Variants in MAGI1 observed in about 807,000 individuals in gnomAD.
MAGI1 encodes the protein membrane-associated guanylate kinase, WW and PDZ domain-containing protein 1.
A neutral mutation model predicts 139.9 loss-of-function variants in MAGI1; 58 were observed. The ratio of observed to expected loss-of-function variants is 0.41; its 90% confidence interval spans 0.34 to 0.52. The LOEUF (loss-of-function observed/expected upper bound fraction) is 0.52, where lower values mean the gene tolerates loss of function less well. Ranked by LOEUF, MAGI1 falls within the 20% of genes least tolerant of loss-of-function variation. MAGI1 has a pLI of 0.12. For missense variants in MAGI1, 1,874 were observed against 1,901.6 expected (o/e 0.99, Z 0.27); for synonymous variants, 812 against 737.9 (o/e 1.10, Z -1.63).
intron 2 of MAGI1, among the ~76,000 whole-genome samples, chr3:65,593,436 G>C (rs2082053573): frequency 6.6e-6 from 1 of 152,146 alleles, no homozygotes. Context: ...CAGGCGAGCA[G>C]TATGAACTTT....
At chr3:65,722,275 T>A (rs180834965) in intron 1 of MAGI1, among the ~76,000 whole-genome samples, 4 of 152,246 alleles carry the variant, frequency 2.6e-5, no homozygotes, top group African/African-American at 9.6e-5. Context: ...GTTTAAGAAT[T>A]AAATGACCTA....
intron 5 of MAGI1, among the ~76,000 whole-genome samples, chr3:65,456,334 C>T (rs1305017113): frequency 6.6e-6 from 1 of 151,840 alleles, no homozygotes; most frequent in Non-Finnish European, 1.5e-5. Context: ...AATGTCTGTC[C>T]CTCTGTCCCT....
intron 1 of MAGI1, among the ~76,000 whole-genome samples, chr3:65,786,925 T>G (rs1452252157): frequency 2.0e-5 from 3 of 152,152 alleles, no homozygotes; most frequent in Non-Finnish European, 4.4e-5. Context: ...CCAAGAATCT[T>G]TTAATGCTGA....
intron 1 of MAGI1, among the ~76,000 whole-genome samples, chr3:65,673,963 G>T (rs551869744): frequency 6.6e-6 from 1 of 152,254 alleles, no homozygotes; most frequent in East Asian, 1.9e-4. Context: ...TACACAGCTG[G>T]GCGTGTGGCA....
chr3:65,804,424 A>G (rs1335028858), intron 1 of MAGI1, among the ~76,000 whole-genome samples: 1 of 151,780 alleles, frequency 6.6e-6, no homozygotes, highest in Non-Finnish European at 1.5e-5. Flanking sequence ...AAATATTGAT[A>G]TGAATTGATA....
At chr3:65,467,798 C>A (rs555302407) in intron 5 of MAGI1, among the ~76,000 whole-genome samples, 1 of 152,182 alleles carries the variant, frequency 6.6e-6, no homozygotes, top group Admixed American at 6.5e-5. Context: ...ATTATCCTTC[C>A]CTTTTCTCAG....
intron 1 of MAGI1, among the ~76,000 whole-genome samples, chr3:65,920,163 C>A (rs774451755): frequency 3.3e-5 from 5 of 152,158 alleles, no homozygotes; most frequent in African/African-American, 1.2e-4. Context: ...TTAGGGCCCA[C>A]ACAGAATCTG....
chr3:65,668,793 C>T (rs1387497760), intron 1 of MAGI1, among the ~76,000 whole-genome samples: 2 of 151,674 alleles, frequency 1.3e-5, no homozygotes, highest in Non-Finnish European at 2.9e-5. Context: ...ACCTTGTGAT[C>T]CACCTGCCTC....
chr3:65,946,289 T>G (rs2063541700), intron 1 of MAGI1, among the ~76,000 whole-genome samples: 1 of 152,240 alleles, frequency 6.6e-6, no homozygotes, highest in Non-Finnish European at 1.5e-5. Flanking sequence ...TAAAGAACTT[T>G]CGGGAACTAC....
chr3:65,552,221 G>A (rs1219093401), intron 2 of MAGI1, among the ~76,000 whole-genome samples: 1 of 151,708 alleles, frequency 6.6e-6, no homozygotes, highest in Non-Finnish European at 1.5e-5. Flanking sequence ...AGTACAGCCT[G>A]TCCAGGTAAT....
At chr3:65,610,973 C>T (rs1392380638) in intron 2 of MAGI1, among the ~76,000 whole-genome samples, 1 of 129,332 alleles carries the variant, frequency 7.7e-6, no homozygotes, top group African/African-American at 2.9e-5. Flanking sequence ...TATATAGACA[C>T]TATATAGTAG....
At chr3:65,577,317 G>A (rs559789906) in intron 2 of MAGI1, among the ~76,000 whole-genome samples, 1 of 151,992 alleles carries the variant, frequency 6.6e-6, no homozygotes, top group Non-Finnish European at 1.5e-5. Flanking sequence ...ATAATGCAAA[G>A]AATCCATTAT....
At position 65,753,037 on chromosome 3, in the gene MAGI1, T is replaced by C. The variant is rs74652939; in HGVS notation, c.314-130949A>G. Among the ~76,000 whole-genome samples, 12 of 152,256 alleles carry C rather than the reference T, an allele frequency of 7.9e-5. No individual in the cohort carries two copies. In the East Asian group the frequency reaches 2.1e-3, roughly 27 times the overall value. On this transcript the variant is annotated intron_variant, in intron 1 of 22. Transcript: ENST00000402939. ...GTCCTCAGTAAAGTCTTCCTGACCA[T>C]TTTGACAAGTGTCAGAATGATTTTT...
At chr3:65,616,001 C>T (rs1430934416) in intron 2 of MAGI1, among the ~76,000 whole-genome samples, 2 of 152,226 alleles carry the variant, frequency 1.3e-5, no homozygotes, top group East Asian at 1.9e-4. Flanking sequence ...AAATCAAAAG[C>T]CTAAGAATTC....
chr3:65,500,617 A>G (rs2107697669), intron 2 of MAGI1, among the ~76,000 whole-genome samples: 1 of 152,328 alleles, frequency 6.6e-6, no homozygotes. Context: ...TTGAGGCAGA[A>G]AAAGAAAAAT....
chr3:65,601,005 C>G (rs139270097), intron 2 of MAGI1, among the ~76,000 whole-genome samples: 2,387 of 152,220 alleles, frequency 0.016, 26 homozygotes, highest in Non-Finnish European at 0.025. Context: ...GTTCCTGCCT[C>G]ATGGAACTGT....
At chr3:65,867,308 T>A (rs2059763086) in intron 1 of MAGI1, among the ~76,000 whole-genome samples, 1 of 152,208 alleles carries the variant, frequency 6.6e-6, no homozygotes, top group African/African-American at 2.4e-5. Flanking sequence ...CTATCGTCAT[T>A]TGTCCAATTC....
At chr3:65,622,165 C>G in intron 1 of MAGI1, 77 bp from the exon 2 acceptor site, 1 of 1,013,142 alleles carries the variant, frequency 9.9e-7, no homozygotes. Flanking sequence ...GAACTGATTG[C>G]AAGAAAGCCA....
At chr3:65,387,317 C>A (rs1022553188) in intron 14 of MAGI1, 2 of 907,710 alleles carry the variant, frequency 2.2e-6, no homozygotes, top group South Asian at 2.9e-5. Flanking sequence ...AAGGAACAGT[C>A]AGTTCAGCTT....
Sources: allele counts gnomAD v4.1 joint callset (sites outside exome capture counted in the v4.1 genomes callset), GRCh38; gene constraint gnomAD v4.1.1; transcripts MANE v1.5; gene names NCBI Gene and HGNC (gene_info 2026-07-23, HGNC 2026-07-21).